The following ZNF326 variants were observed in gnomAD, a reference collection of about 807,000 sequenced individuals.
ZNF326 encodes DBIRD complex subunit ZNF326.
In ZNF326, 30 loss-of-function variants were observed where a neutral mutation model predicts 63.1. That is an observed-to-expected ratio of 0.48 (90% CI 0.36 to 0.64). ZNF326 has a LOEUF of 0.64. ZNF326 is among the 30% of genes least tolerant of loss of function. The probability of loss-of-function intolerance (pLI) is 0.00; values close to 1 mark genes in which losing one functional copy is unlikely to be tolerated. For synonymous variants in ZNF326, 194 were observed against 228.2 expected, an observed-to-expected ratio of 0.85 and a Z score of 1.35; for missense variants, 609 against 720.3, an observed-to-expected ratio of 0.85 and a Z score of 1.77.
At chr1:90,002,986 C>CT (rs1331314969) in intron 2 of ZNF326, among the ~76,000 whole-genome samples, 6 of 152,026 alleles carry the variant, frequency 3.9e-5, no homozygotes, top group African/African-American at 9.7e-5. Flanking sequence ...TTCAGAAAGC[C>CT]TTTAAGTATT....
At chr1:89,996,638 C>T (rs1432144445) in intron 1 of ZNF326, among the ~76,000 whole-genome samples, 1 of 151,312 alleles carries the variant, frequency 6.6e-6, no homozygotes, top group Non-Finnish European at 1.5e-5. Context: ...CTTTGGGAGG[C>T]GGAGGCAGAA....
At chr1:90,003,186 A>G (rs1201109226) in intron 2 of ZNF326, among the ~76,000 whole-genome samples, 17 of 148,614 alleles carry the variant, frequency 1.1e-4, no homozygotes, top group Admixed American at 1.1e-3. Flanking sequence ...GCTGGAGTGC[A>G]GTGGCACGAT....
At chr1:90,011,674 A>T (rs1235611007) in intron 6 of ZNF326, among the ~76,000 whole-genome samples, 1 of 152,116 alleles carries the variant, frequency 6.6e-6, no homozygotes, top group African/African-American at 2.4e-5. Flanking sequence ...AAACCCTCAC[A>T]CATTACTGAT....
At chr1:90,018,533 T>C (rs1570314718) in intron 8 of ZNF326, 152 bp from the exon 9 acceptor site, 1 of 432,406 alleles carries the variant, frequency 2.3e-6, no homozygotes, top group East Asian at 4.0e-5. Flanking sequence ...TATTTTATGA[T>C]TATCTTTTCA....
At position 90,035,001 on chromosome 1, in the gene ZNF326, T is replaced by A. The variant is rs1304942676; in HGVS notation, c.*7300T>A. On this transcript the variant is annotated 3_prime_UTR_variant, in exon 12 of 12. Transcript: ENST00000340281. ...TTTATTACTTTAACTTAAAAAAAAA[T>A]ACCATAAGCTTGATAGATGCTCGAA... The A allele has an allele frequency of 3.9e-5, 6 of 152,096 alleles. No homozygotes were observed. The highest frequency in any genetic ancestry group is 7.4e-5 in the Non-Finnish European group (5 of 67,988). The allele number at this position is 152,096 out of a possible 1,614,324, so 9.4% of individuals were successfully genotyped here.
intron 11 of ZNF326, among the ~76,000 whole-genome samples, chr1:90,023,343 G>T (rs1649862368): frequency 6.6e-6 from 1 of 152,154 alleles, no homozygotes; most frequent in African/African-American, 2.4e-5. Flanking sequence ...ATAGATTAAA[G>T]AAGTTTTGTT....
chr1:90,019,820 C>T (rs952052743), intron 9 of ZNF326, among the ~76,000 whole-genome samples: 2 of 152,050 alleles, frequency 1.3e-5, no homozygotes, highest in African/African-American at 2.4e-5. Context: ...AAAAAGTTAT[C>T]GTCTCCTTGA....
rs1055172534 is a variant in ZNF326 at position 90,034,644 on chromosome 1, CAAAAG to C, written c.*6948_*6952del. The C allele has an allele frequency of 2.6e-5, 4 of 151,948 alleles. No homozygotes were observed. Among genetic ancestry groups the C allele is most frequent in the South Asian group, 2.1e-4 (1 of 4,822 alleles). 9.4% of individuals were successfully genotyped at this position (151,948 alleles called of 1,614,324 possible). Reference sequence around the variant, plus strand: ...AATAAATCAATTTTTAAAAATCAGACAAAAGAAAACACTGTCCTTGTAATGCTTGC... The same window carrying C: ...AATAAATCAATTTTTAAAAATCAGACAAAACACTGTCCTTGTAATGCTTGC... On this transcript the variant is annotated 3_prime_UTR_variant, in exon 12 of 12. Transcript: ENST00000340281.
At chr1:89,996,049 A>G (rs941998942) in intron 1 of ZNF326, among the ~76,000 whole-genome samples, 11 of 152,260 alleles carry the variant, frequency 7.2e-5, no homozygotes, top group Non-Finnish European at 5.9e-5. Context: ...CGGATTAAAT[A>G]AACTGTATTT....
intron 4 of ZNF326, chr1:90,005,753 T>C: frequency 1.0e-6 from 1 of 982,696 alleles, no homozygotes; most frequent in Non-Finnish European, 1.2e-6. Context: ...AGGAAGAGCA[T>C]ATTGCAATAA....
chr1:90,023,910 T>C (rs1189875610), intron 11 of ZNF326, among the ~76,000 whole-genome samples: 5 of 152,178 alleles, frequency 3.3e-5, no homozygotes, highest in Non-Finnish European at 7.3e-5. Context: ...TCAGCAGTAT[T>C]GGCATCACTT....
At position 90,031,516 on chromosome 1, in the gene ZNF326, C is replaced by A. The variant is rs1394949528; in HGVS notation, c.*3815C>A. The A allele has an allele frequency of 6.7e-6, 1 of 150,344 alleles. No individual in the cohort carries two copies. Among genetic ancestry groups the A allele is most frequent in the Admixed American group, 6.6e-5 (1 of 15,104 alleles). 9.3% of individuals were successfully genotyped at this position (150,344 alleles called of 1,614,324 possible). The stretch of plus-strand genomic sequence containing the variant: ...CATAGCATAAAATTACCATTCTAAT[C>A]ATTTTTTAATGTACCATTTAGTGGC... On this transcript the variant is annotated 3_prime_UTR_variant, in exon 12 of 12. Transcript: ENST00000340281.
chr1:90,027,487 TG>T lies in ZNF326; in HGVS notation c.1540del (p.Glu514LysfsTer2). 2 of 1,608,652 alleles carry T rather than the reference TG, an allele frequency of 1.2e-6. No homozygotes were observed. The highest frequency in any genetic ancestry group is 1.7e-6 in the Non-Finnish European group (2 of 1,178,728). On this transcript the variant is annotated frameshift_variant, in exon 12 of 12. Coordinates refer to ENST00000340281, the MANE Select transcript of ZNF326 (RefSeq NM_182976.4). LOFTEE classifies it low-confidence loss of function (END_TRUNC). ...DEDEEEEAEE[V>X]GEVEEVEEVE... ...GATGAGGAAGAAGAAGCAGAGGAAG[TG>T]GGGGAAGTAGAGGAAGTGGAAGAAG...
intron 2 of ZNF326, 103 bp downstream of exon 2, chr1:89,998,257 T>C (rs2101047470): frequency 2.9e-6 from 3 of 1,050,118 alleles, no homozygotes; most frequent in Non-Finnish European, 4.3e-6. Flanking sequence ...GTTCTTGATA[T>C]ATCATTTATG....
In ZNF326 at chr1:90,035,203, C is replaced by T. The variant is rs1290110308; in HGVS notation, c.*7502C>T. On this transcript the variant is annotated 3_prime_UTR_variant, in exon 12 of 12. Coordinates refer to ENST00000340281, the MANE Select transcript of ZNF326 (RefSeq NM_182976.4). Reference sequence around the variant, plus strand: ...TGTTGCCTATGCAACAATCATTTAACCCTAAGAAATAGAAGTATTAGGAAG... The same window carrying T: ...TGTTGCCTATGCAACAATCATTTAATCCTAAGAAATAGAAGTATTAGGAAG... 1 of 152,130 alleles carries T rather than the reference C, an allele frequency of 6.6e-6. No homozygotes were observed. The highest frequency in any genetic ancestry group is 1.5e-5 in the Non-Finnish European group (1 of 68,020). 9.4% of individuals were successfully genotyped at this position (152,130 alleles called of 1,614,324 possible). A position where few individuals can be genotyped will look rare whatever the true frequency, so the allele number is the denominator to read the frequency against.
rs113995921 is a variant in ZNF326, at chr1:90,024,351, G to A, written c.1401+2006G>A. 6.8e-3 allele frequency among the ~76,000 whole-genome samples: 1,030 copies of A among 152,290 alleles called. 8 individuals are homozygous for A. The highest frequency in any genetic ancestry group is 0.024 in the African/African-American group (991 of 41,552). Reference sequence around the variant, plus strand: ...GCCTTCACTCCCTGCTCTGGGCATTGATAATCACCCCTTTCAGTAGGGAAT... The same window carrying A: ...GCCTTCACTCCCTGCTCTGGGCATTAATAATCACCCCTTTCAGTAGGGAAT... On this transcript the variant is annotated intron_variant, in intron 11 of 11. Transcript: ENST00000340281.
At chr1:90,020,654 A>T (rs1649723938) in intron 9 of ZNF326, 138 bp from the exon 10 acceptor site, 2 of 695,974 alleles carry the variant, frequency 2.9e-6, no homozygotes, top group Admixed American at 3.2e-5. Flanking sequence ...TGGTAGAAAT[A>T]CTCAGCATAA....
intron 11 of ZNF326, among the ~76,000 whole-genome samples, 163 bp from the exon 12 acceptor site, chr1:90,027,191 A>G (rs1431361684): frequency 6.6e-6 from 1 of 152,148 alleles, no homozygotes; most frequent in East Asian, 1.9e-4. Flanking sequence ...TCACATTGGT[A>G]TGGAATGGAC....
intron 2 of ZNF326, among the ~76,000 whole-genome samples, chr1:90,003,128 C>CTT (rs35203888): frequency 2.2e-5 from 3 of 137,676 alleles, no homozygotes; most frequent in Admixed American, 1.5e-4. Context: ...TCACTTAGTT[C>CTT]TTTTTTTTTT....
Sources: gnomAD v4.1 joint callset for allele counts (sites outside exome capture counted in the v4.1 genomes callset) on GRCh38, gnomAD v4.1.1 for gene constraint, MANE v1.5 for transcripts, NCBI Gene and HGNC (gene_info 2026-07-23, HGNC 2026-07-21) for gene names.